Variants in ARHGAP32 observed in about 807,000 individuals in gnomAD.
The protein encoded by ARHGAP32 is rho GTPase-activating protein 32.
Under a neutral mutation model 186.5 loss-of-function variants are expected in ARHGAP32, and 51 were observed. The observed-to-expected ratio is 0.27, with a 90% confidence interval of 0.22 to 0.35. The LOEUF is 0.35. Ranked by LOEUF, ARHGAP32 falls within the 10% of genes least tolerant of loss-of-function variation. The pLI is 1.00. For missense variants in ARHGAP32, 2,186 were observed against 2,623.5 expected (o/e 0.83, Z 3.64); for synonymous variants, 950 against 964.3 (o/e 0.99, Z 0.27).
chr11:129,246,458 A>AT (rs1330348114), intron 1 of ARHGAP32, among the ~76,000 whole-genome samples: 2 of 151,902 alleles, frequency 1.3e-5, no homozygotes, highest in Admixed American at 6.5e-5. Context: ...AATGAATAAG[A>AT]TAAGTAAGAA....
At chr11:129,063,128 G>T (rs1232293593) in intron 9 of ARHGAP32, among the ~76,000 whole-genome samples, 1 of 144,706 alleles carries the variant, frequency 6.9e-6, no homozygotes, top group African/African-American at 2.5e-5. Context: ...ATATACTATA[G>T]AGCTTTAGGA....
intron 6 of ARHGAP32, among the ~76,000 whole-genome samples, chr11:129,084,046 T>C (rs977757200): frequency 1.3e-5 from 2 of 150,912 alleles, no homozygotes; most frequent in African/African-American, 5.0e-5. Flanking sequence ...TCTATGCCTG[T>C]GAATTTGTAA....
Position 129,050,636 on chromosome 11 carries a change from A to T in ARHGAP32, c.964-9627T>A, listed in dbSNP as rs189903461. On this transcript the variant is annotated intron_variant, in intron 10 of 22. Coordinates refer to ENST00000682385, the MANE Select transcript of ARHGAP32 (RefSeq NM_001378024.1). Reference sequence around the variant, plus strand: ...CTTCCAAAGAGCCGAAAGTTTTTTTAAAAAAATTAATTATTTCTTTATTAT... The same window carrying T: ...CTTCCAAAGAGCCGAAAGTTTTTTTTAAAAAATTAATTATTTCTTTATTAT... 5.7e-3 allele frequency among the ~76,000 whole-genome samples: 862 copies of T among 152,282 alleles called. 9 individuals are homozygous for T. Among genetic ancestry groups the T allele is most frequent in the African/African-American group, 0.019 (808 of 41,544 alleles).
At chr11:129,244,458 T>A (rs1388105672) in intron 1 of ARHGAP32, among the ~76,000 whole-genome samples, 1 of 152,230 alleles carries the variant, frequency 6.6e-6, no homozygotes, top group Non-Finnish European at 1.5e-5. Context: ...TCTAAAAGGA[T>A]TAACCATTTT....
intron 11 of ARHGAP32, among the ~76,000 whole-genome samples, chr11:129,040,280 T>C (rs1383652832): frequency 6.6e-6 from 1 of 152,060 alleles, no homozygotes; most frequent in Non-Finnish European, 1.5e-5. Flanking sequence ...CTAGGAAAAA[T>C]AAGTTGGATG....
At chr11:129,147,397 T>C (rs953502014) in intron 2 of ARHGAP32, among the ~76,000 whole-genome samples, 2 of 152,152 alleles carry the variant, frequency 1.3e-5, no homozygotes, top group African/African-American at 4.8e-5. Flanking sequence ...GTAAATTCAA[T>C]ACAGATTTAC....
At chr11:129,011,168 C>A (rs1351231541) in intron 11 of ARHGAP32, among the ~76,000 whole-genome samples, 1 of 152,160 alleles carries the variant, frequency 6.6e-6, no homozygotes. Context: ...TTAGTATGTG[C>A]AAGTAACTAC....
chr11:129,096,742 C>T (rs1299281754), intron 5 of ARHGAP32, among the ~76,000 whole-genome samples: 2 of 152,342 alleles, frequency 1.3e-5, no homozygotes, highest in East Asian at 3.9e-4. Flanking sequence ...TTTGCAGGCC[C>T]ATGCTCCTCT....
chr11:129,097,622 T>G (rs940406471), intron 5 of ARHGAP32, among the ~76,000 whole-genome samples: 9 of 151,560 alleles, frequency 5.9e-5, no homozygotes, highest in African/African-American at 1.9e-4. Context: ...GATTGAGTAA[T>G]AGGAAGAAAA....
chr11:129,001,303 A>G (rs1946353090), intron 11 of ARHGAP32, among the ~76,000 whole-genome samples: 1 of 152,172 alleles, frequency 6.6e-6, no homozygotes, highest in Non-Finnish European at 1.5e-5. Context: ...TTTGGATAAA[A>G]GCCATTTTAA....
At chr11:129,152,590 T>C (rs1943312336) in intron 2 of ARHGAP32, among the ~76,000 whole-genome samples, 1 of 152,064 alleles carries the variant, frequency 6.6e-6, no homozygotes, top group Admixed American at 6.6e-5. Flanking sequence ...CACATCTAAA[T>C]CAATAAATGT....
chr11:129,183,765 GACCCACCA>G (rs527670002), intron 1 of ARHGAP32, among the ~76,000 whole-genome samples: 2,024 of 152,062 alleles, frequency 0.013, 53 homozygotes, highest in African/African-American at 0.046. Flanking sequence ...ACACTCCTAA[GACCCACCA>G]AATTGCATGA....
chr11:129,045,970 A>G (rs1212109413), intron 10 of ARHGAP32, among the ~76,000 whole-genome samples: 1 of 152,210 alleles, frequency 6.6e-6, no homozygotes, highest in African/African-American at 2.4e-5. Context: ...CTCCCTGTTG[A>G]CTGTTTTCAC....
Position 129,174,223 on chromosome 11 carries a change from G to A in ARHGAP32, c.117-9796C>T, listed in dbSNP as rs547401368. 1.2e-4 allele frequency among the ~76,000 whole-genome samples: 18 copies of A among 152,296 alleles called. No homozygotes were observed. In the East Asian group the frequency reaches 2.1e-3, roughly 18 times the overall value. ...CGGTTCACTCCCACCCAAATACTGCGCTTTTCCGACGGGCCTAAAAAATGG... is the reference window on the plus strand; with the variant it reads ...CGGTTCACTCCCACCCAAATACTGCACTTTTCCGACGGGCCTAAAAAATGG... On this transcript the variant is annotated intron_variant, in intron 1 of 22. Coordinates refer to ENST00000682385, the MANE Select transcript of ARHGAP32 (RefSeq NM_001378024.1).
chr11:129,196,538 A>G (rs1944394014), upstream of ARHGAP32, among the ~76,000 whole-genome samples: 1 of 152,196 alleles, frequency 6.6e-6, no homozygotes, highest in East Asian at 1.9e-4. Context: ...AGATGTTGGT[A>G]TCCACAGGGT....
Position 129,043,051 on chromosome 11 carries a change from A to G in ARHGAP32, c.964-2042T>C, listed in dbSNP as rs535429593. Among the ~76,000 whole-genome samples the G allele has an allele frequency of 1.1e-4, 16 of 152,324 alleles. No individual in the cohort carries two copies. In the South Asian group the frequency reaches 3.3e-3, roughly 32 times the overall value. On this transcript the variant is annotated intron_variant, in intron 10 of 22. Transcript: ENST00000682385. ...TGGTTACCAAGGCTGGGAAGATACAACTATTTCAAGAGTGACTCTGAAAAA... is the reference window on the plus strand; with the variant it reads ...TGGTTACCAAGGCTGGGAAGATACAGCTATTTCAAGAGTGACTCTGAAAAA...
At chr11:129,177,198 A>G (rs967042612) in intron 1 of ARHGAP32, among the ~76,000 whole-genome samples, 1 of 152,224 alleles carries the variant, frequency 6.6e-6, no homozygotes, top group Non-Finnish European at 1.5e-5. Flanking sequence ...AGAAATGGAT[A>G]AATTCCTTGA....
intron 11 of ARHGAP32, among the ~76,000 whole-genome samples, chr11:129,034,643 C>G (rs1473577736): frequency 1.3e-5 from 2 of 151,032 alleles, no homozygotes; most frequent in East Asian, 1.9e-4. Flanking sequence ...TGTTAGGTGG[C>G]CTTAAGAGAA....
chr11:129,194,271 A>T (rs1183532038), upstream of ARHGAP32, among the ~76,000 whole-genome samples: 1 of 152,158 alleles, frequency 6.6e-6, no homozygotes, highest in African/African-American at 2.4e-5. Context: ...CACAAGTAGA[A>T]GTAAGAGGCA....
Sources: gnomAD v4.1 joint callset for allele counts (sites outside exome capture counted in the v4.1 genomes callset) on GRCh38, gnomAD v4.1.1 for gene constraint, MANE v1.5 for transcripts, NCBI Gene and HGNC (gene_info 2026-07-23, HGNC 2026-07-21) for gene names.